Variants in SI observed in about 807,000 individuals in gnomAD.
SI encodes sucrase-isomaltase.
SI carries 235 observed loss-of-function variants against 253.3 expected under a neutral mutation model. The ratio of observed to expected loss-of-function variants is 0.93; its 90% CI spans 0.83 to 1.03. SI has a LOEUF of 1.03. Ranked by LOEUF, SI falls within the 50% of genes least tolerant of loss-of-function variation. The pLI is 0.00. For missense variants in SI, 2,442 were observed against 2,211.1 expected (o/e 1.10, Z -2.09); for synonymous variants, 819 against 712.0 (o/e 1.15, Z -2.39).
intron 45 of SI, among the ~76,000 whole-genome samples, chr3:164,983,688 C>T (rs1182016091): frequency 6.6e-6 from 1 of 152,034 alleles, no homozygotes; most frequent in African/African-American, 2.4e-5. Context: ...CTCCTGGGCT[C>T]AAGCAATCCT....
At chr3:164,985,280 C>A in intron 45 of SI, among the ~76,000 whole-genome samples, 1 of 152,196 alleles carries the variant, frequency 6.6e-6, no homozygotes, top group East Asian at 1.9e-4. Context: ...TCAAAGATCC[C>A]AAGTTGCATA....
At position 164,987,207 on chromosome 3, in the gene SI, G is replaced by C. The variant is rs1199037324; in HGVS notation, c.5128C>G (p.Leu1710Val). The change falls in exon 45 of 48, where the codon CTC becomes GTC. Residue 1710 changes from leucine (L) to valine (V), a missense_variant. Leu to Val is a conservative substitution (Grantham distance 32). Transcript: ENST00000264382. ...TGATTATCATCTGCAGCAACAATGAGCTTCATGTGTTTTTGTCGACTATAA... is the reference window on the plus strand; with the variant it reads ...TGATTATCATCTGCAGCAACAATGACCTTCATGTGTTTTTGTCGACTATAA... ...TFYSRQKHMK[L>V]IVAADDNQMA... 1 of 1,613,506 alleles carries C rather than the reference G, an allele frequency of 6.2e-7. No homozygotes were observed. The highest frequency in any genetic ancestry group is 1.1e-5 in the South Asian group (1 of 91,066).
intron 26 of SI, among the ~76,000 whole-genome samples, chr3:165,022,849 G>C (rs1000327837): frequency 6.6e-6 from 1 of 151,634 alleles, no homozygotes; most frequent in African/African-American, 2.4e-5. Flanking sequence ...CAGCGACTGA[G>C]CTAAAGTGAA....
intron 38 of SI, among the ~76,000 whole-genome samples, chr3:164,997,289 T>A (rs1324659799): frequency 6.6e-6 from 1 of 151,772 alleles, no homozygotes; most frequent in East Asian, 1.9e-4. Flanking sequence ...GAATTAATTG[T>A]TTTCCTTGAA....
chr3:165,015,257 C>A (rs768663692), intron 32 of SI, 24 bp from the exon 33 acceptor site: 20 of 1,532,612 alleles, frequency 1.3e-5, no homozygotes, highest in Admixed American at 1.0e-4. Context: ...GAAATATAAA[C>A]AAGGTACACA....
intron 44 of SI, among the ~76,000 whole-genome samples, chr3:164,991,107 G>C (rs1243535317): frequency 6.6e-6 from 1 of 151,950 alleles, no homozygotes; most frequent in Non-Finnish European, 1.5e-5. Flanking sequence ...CATCTGCCTG[G>C]GTCGCTCCAT....
intron 14 of SI, among the ~76,000 whole-genome samples, 156 bp downstream of exon 14, chr3:165,049,635 A>C (rs2108232900): frequency 6.6e-6 from 1 of 152,242 alleles, no homozygotes; most frequent in Admixed American, 6.5e-5. Context: ...AATCCTAGGC[A>C]GAAAATATTT....
In SI at chr3:165,006,818, A is replaced by T. The variant is rs201768364; in HGVS notation, c.4404T>A (p.His1468Gln). The T allele has an allele frequency of 1.3e-5, 21 of 1,612,082 alleles. No homozygotes were observed. Among genetic ancestry groups the T allele is most frequent in the Non-Finnish European group, 1.7e-5 (20 of 1,178,578 alleles). The change falls in exon 37 of 48, where the codon CAT (histidine) becomes CAA (glutamine). Residue 1468 changes from histidine (H) to glutamine (Q), a missense_variant and splice_region_variant. By Grantham distance (24) the His-to-Gln change is conservative. Transcript: ENST00000264382. ...GGATAATTCAGAACATTGCTTACTC[A>T]TGAGTAGGTTTCATCTGTGACCATC... ...LYGWSQMKPT[H>Q]DALQKTTGKR...
At chr3:165,038,194 G>C (rs1712633555) in intron 20 of SI, among the ~76,000 whole-genome samples, 170 bp from the exon 21 acceptor site, 1 of 151,296 alleles carries the variant, frequency 6.6e-6, no homozygotes, top group Admixed American at 6.6e-5. Context: ...GCTGAACAAA[G>C]TAGAGGAAAA....
At position 165,017,506 on chromosome 3, in the gene SI, C is replaced by T. The variant is rs184662363; in HGVS notation, c.3759+42G>A. On this transcript the variant is annotated intron_variant, in intron 31 of 47. Coordinates refer to ENST00000264382, the MANE Select transcript of SI (RefSeq NM_001041.4). Reference sequence around the variant, plus strand: ...GTTTAATTATTTCATTCTACTTTTACGTATTCCATATTTAACATTGTTTTA... The same window carrying T: ...GTTTAATTATTTCATTCTACTTTTATGTATTCCATATTTAACATTGTTTTA... 1.6e-4 allele frequency: 259 copies of T among 1,573,270 alleles called. 4 individuals are homozygous for T. Among genetic ancestry groups the T allele is most frequent in the East Asian group, 9.0e-4 (40 of 44,310 alleles).
At chr3:164,985,340 C>T (rs1407627625) in intron 45 of SI, among the ~76,000 whole-genome samples, 1 of 152,078 alleles carries the variant, frequency 6.6e-6, no homozygotes, top group Non-Finnish European at 1.5e-5. Context: ...CTGCTGGACA[C>T]AAAGGGAAAG....
chr3:165,065,275 G>T lies in SI; in HGVS notation c.793C>A (p.Gln265Lys). 6.2e-7 allele frequency: 1 copy of T among 1,600,342 alleles called. No homozygotes were observed. Among genetic ancestry groups the T allele is most frequent in the Non-Finnish European group, 8.5e-7 (1 of 1,169,976 alleles). The change falls in exon 7 of 48, where the codon CAA (glutamine) becomes AAA (lysine). Residue 265 changes from glutamine (Q) to lysine (K), a missense_variant. By Grantham distance (53) the Gln-to-Lys change is moderately conservative. Coordinates refer to ENST00000264382, the MANE Select transcript of SI (RefSeq NM_001041.4). ...TAATTTCTTACATCACCAGGAAGTTGGTCTCGAGTAAAAATTGGCCATGTT... is the reference window on the plus strand; with the variant it reads ...TAATTTCTTACATCACCAGGAAGTTTGTCTCGAGTAAAAATTGGCCATGTT... ...WKTWPIFTRD[Q>K]LPGDNNNNLY... is the part of the protein sequence containing the mutation.
In SI at chr3:164,998,629, C is replaced by A. The variant is rs145246112; in HGVS notation, c.4451G>T (p.Arg1484Leu). ...TTGKRGIVIS[R>L]STYPTSGRWG... ...TCGTCCACTAGTAGGATACGTGGAA[C>A]GAGAAATTACAATCCCTCTTTTTCC... The change falls in exon 38 of 48, where the codon CGT becomes CTT. Residue 1484 changes from arginine (R) to leucine (L), a missense_variant. By Grantham distance (102) the Arg-to-Leu change is moderately radical. Transcript: ENST00000264382. 1.2e-6 allele frequency: 2 copies of A among 1,611,296 alleles called. No homozygotes were observed. Among genetic ancestry groups the A allele is most frequent in the Non-Finnish European group, 1.7e-6 (2 of 1,177,986 alleles).
intron 45 of SI, among the ~76,000 whole-genome samples, chr3:164,984,034 A>G (rs1429146859): frequency 1.3e-5 from 2 of 152,160 alleles, no homozygotes; most frequent in Non-Finnish European, 2.9e-5. Flanking sequence ...CCCACCGTAT[A>G]GAAGAGTAAA....
intron 21 of SI, among the ~76,000 whole-genome samples, chr3:165,036,791 T>A (rs1039616374): frequency 6.6e-6 from 1 of 151,556 alleles, no homozygotes; most frequent in Non-Finnish European, 1.5e-5. Context: ...ACAAGAAAAA[T>A]TAAATGTCTT....
In SI at chr3:165,006,793, G is replaced by A. The variant is rs758062633; in HGVS notation, c.4406+23C>T. 6 of 1,601,464 alleles carry A rather than the reference G, an allele frequency of 3.7e-6. No individual in the cohort carries two copies. The Admixed American group carries it at 1.0e-4, about 27-fold the overall frequency. ...AACCAAAGAATAAAAGAGTCAGAGA[G>A]GATAATTCAGAACATTGCTTACTCA... On this transcript the variant is annotated intron_variant, in intron 37 of 47. Coordinates refer to ENST00000264382, the MANE Select transcript of SI (RefSeq NM_001041.4).
At chr3:165,021,674 G>T (rs1042331775) in intron 26 of SI, among the ~76,000 whole-genome samples, 2 of 151,548 alleles carry the variant, frequency 1.3e-5, no homozygotes, top group African/African-American at 2.4e-5. Context: ...ATATTCTGTT[G>T]TATGGGTATA....
chr3:165,066,751 A>G (rs896267098), intron 6 of SI, among the ~76,000 whole-genome samples: 13 of 151,988 alleles, frequency 8.6e-5, no homozygotes, highest in Admixed American at 7.9e-4. Context: ...AGTCATAAAC[A>G]AAAGTACTAA....
intron 26 of SI, among the ~76,000 whole-genome samples, chr3:165,022,952 T>G (rs1711705960): frequency 6.6e-6 from 1 of 151,686 alleles, no homozygotes; most frequent in Middle Eastern, 3.4e-3. Context: ...GATACTCCAC[T>G]TAGTCCTATA....
Sources: gnomAD v4.1 joint callset for allele counts (sites outside exome capture counted in the v4.1 genomes callset) on GRCh38, gnomAD v4.1.1 for gene constraint, MANE v1.5 for transcripts, NCBI Gene and HGNC (gene_info 2026-07-23, HGNC 2026-07-21) for gene names.